USF3: variants seen among roughly 807,000 people sequenced by gnomAD.
The protein encoded by USF3 is basic helix-loop-helix domain-containing protein USF3.
Under a neutral mutation model 157.5 loss-of-function variants are expected in USF3, and 29 were observed. The observed-to-expected ratio is 0.18, with a 90% CI of 0.14 to 0.25. The LOEUF (loss-of-function observed/expected upper bound fraction) is 0.25, where lower values mean the gene tolerates loss of function less well. USF3 is among the 10% of genes least tolerant of loss of function. USF3 has a pLI of 1.00. For missense variants in USF3, 2,381 were observed against 2,667.6 expected, an observed-to-expected ratio of 0.89 and a Z score of 2.37; for synonymous variants, 893 against 941.4, an observed-to-expected ratio of 0.95 and a Z score of 0.94.
intron 4 of USF3, among the ~76,000 whole-genome samples, chr3:113,672,054 A>C (rs1559717358): frequency 6.6e-6 from 1 of 151,672 alleles, no homozygotes; most frequent in Non-Finnish European, 1.5e-5. Context: ...TACAGGCATG[A>C]GCCATCACGC....
At chr3:113,685,081 C>T (rs930579965) in intron 1 of USF3, among the ~76,000 whole-genome samples, 2 of 152,140 alleles carry the variant, frequency 1.3e-5, no homozygotes, top group Non-Finnish European at 2.9e-5. Context: ...GGGGGCACTC[C>T]CAAGTCCAGT....
At position 113,651,130 on chromosome 3, in the gene USF3, A is replaced by C. The variant is rs562466606; in HGVS notation, c.*3814T>G. On this transcript the variant is annotated 3_prime_UTR_variant, in exon 7 of 7. Transcript: ENST00000316407. ...TTACCCTTCATTAGAAGTTATTGTTAAATGTTGAAAGGAATCAACCACTTT... is the reference window on the plus strand; with the variant it reads ...TTACCCTTCATTAGAAGTTATTGTTCAATGTTGAAAGGAATCAACCACTTT... 3.3e-5 allele frequency: 5 copies of C among 152,354 alleles called. No homozygotes were observed. In the South Asian group the frequency reaches 6.2e-4, roughly 19 times the overall value. The allele number at this position is 152,354 out of a possible 1,614,324, so 9.4% of individuals were successfully genotyped here.
In USF3 at chr3:113,660,931, C is replaced by T. The variant is rs766766402; in HGVS notation, c.751G>A (p.Ala251Thr). The T allele has an allele frequency of 3.1e-6, 5 of 1,614,186 alleles. No individual in the cohort carries two copies. The highest frequency in any genetic ancestry group is 4.2e-6 in the Non-Finnish European group (5 of 1,180,028). Residue 251 changes from alanine (A) to threonine (T), a missense_variant, in exon 7 of 7, where the codon GCC becomes ACC. Ala to Thr is a moderately conservative substitution (Grantham distance 58). Around this residue, in one of 6 missense-constraint regions of USF3, gnomAD observed 1,435 missense variants for 1,550.9 expected, o/e 0.93. Transcript: ENST00000316407. The part of the protein sequence containing the change: ...TSESESNVLG[A>T]TSGSLIAVSI... The stretch of plus-strand genomic sequence containing the variant: ...ACAGCAATCAGTGAGCCACTAGTGG[C>T]ACCAAGCACATTTGATTCGCTTTCA...
At chr3:113,692,128 G>A (rs959889951) in intron 1 of USF3, among the ~76,000 whole-genome samples, 3 of 152,200 alleles carry the variant, frequency 2.0e-5, no homozygotes, top group African/African-American at 7.2e-5. Flanking sequence ...TAATGCTGCC[G>A]CTGATCTGAC....
Position 113,680,386 on chromosome 3 carries a change from T to C in USF3, c.-134-2989A>G, listed in dbSNP as rs142183391. On this transcript the variant is annotated intron_variant, in intron 1 of 6. Transcript: ENST00000316407. ...GGTTTTCCAATTTATTGGCATATAG[T>C]TGCTTATAGTAGTCTGTAATGATCC... 1.9e-3 allele frequency among the ~76,000 whole-genome samples: 292 copies of C among 152,324 alleles called. 2 individuals are homozygous for C. The highest frequency in any genetic ancestry group is 0.01 in the Middle Eastern group (3 of 292).
rs1577022791 is a variant in USF3 at position 113,652,995 on chromosome 3, G to A, written c.*1949C>T. The A allele has an allele frequency of 9.4e-7, 1 of 1,060,106 alleles. No homozygotes were observed. The highest frequency in any genetic ancestry group is 1.3e-6 in the Non-Finnish European group (1 of 764,026). The allele number at this position is 1,060,106 out of a possible 1,614,324, so 65.7% of individuals were successfully genotyped here. ...AGGAACTTGAAAAAGGAATATTCAA[G>A]GTGCTGTTCCTGGTGTTAGTTGCAC... is the stretch of plus-strand genomic sequence containing the variant. On this transcript the variant is annotated 3_prime_UTR_variant, in exon 7 of 7. Transcript: ENST00000316407.
chr3:113,695,501 G>A (rs1340265168), intron 1 of USF3, among the ~76,000 whole-genome samples: 1 of 152,220 alleles, frequency 6.6e-6, no homozygotes, highest in Non-Finnish European at 1.5e-5. Flanking sequence ...TATAGGTAAG[G>A]AAATGTCTTC....
At chr3:113,685,907 A>G (rs1224828760) in intron 1 of USF3, among the ~76,000 whole-genome samples, 1 of 152,212 alleles carries the variant, frequency 6.6e-6, no homozygotes, top group African/African-American at 2.4e-5. Context: ...CAAGAAAAAA[A>G]TCCTCTTTAC....
chr3:113,662,168 A>AGC (rs1947496949), intron 6 of USF3, among the ~76,000 whole-genome samples: 1 of 152,204 alleles, frequency 6.6e-6, no homozygotes, highest in African/African-American at 2.4e-5. Context: ...TTATAAATCA[A>AGC]TTTAGTTTCT....
At chr3:113,681,980 A>G (rs1206244379) in intron 1 of USF3, among the ~76,000 whole-genome samples, 2 of 152,016 alleles carry the variant, frequency 1.3e-5, no homozygotes, top group Admixed American at 6.6e-5. Flanking sequence ...CGGCCTCCCA[A>G]AGTCCTCGGA....
chr3:113,656,702 T>C lies in USF3; in HGVS notation c.4980A>G (p.Pro1660=). ...AATAACTTGAAACTCTATTTCTCTC[T>C]GGCCTGTGTGGAGTACAGGTCATGT... ...SSDMTCTPHR[P]ERNRVSSYSA... is the part of the protein sequence containing the mutation. The change falls in exon 7 of 7, where the codon CCA becomes CCG. Residue 1660 remains proline (P), a synonymous_variant. Coordinates refer to ENST00000316407, the MANE Select transcript of USF3 (RefSeq NM_001009899.4). The C allele has an allele frequency of 6.2e-7, 1 of 1,614,186 alleles. No individual in the cohort carries two copies. The highest frequency in any genetic ancestry group is 8.5e-7 in the Non-Finnish European group (1 of 1,180,040).
Position 113,659,478 on chromosome 3 carries a change from G to A in USF3, c.2204C>T (p.Ala735Val), listed in dbSNP as rs1469917833. 2 of 1,614,086 alleles carry A rather than the reference G, an allele frequency of 1.2e-6. No homozygotes were observed. The highest frequency in any genetic ancestry group is 1.7e-6 in the Non-Finnish European group (2 of 1,180,034). Residue 735 changes from alanine to valine, a missense_variant, in exon 7 of 7, where the codon GCC (alanine) becomes GTC (valine). Physicochemically the swap from Ala to Val is moderately conservative, Grantham distance 64 (BLOSUM62 0). This residue lies in a region of USF3 where 1,435 missense variants were observed against 1,550.9 expected (regional missense o/e 0.93). Transcript: ENST00000316407. Reference sequence around the variant, plus strand: ...ACTATTTGCAGCAGTTTGAGAATTGGCAGGCTGGCTAATAGACAATTGTAC... The same window carrying A: ...ACTATTTGCAGCAGTTTGAGAATTGACAGGCTGGCTAATAGACAATTGTAC... The part of the protein sequence containing the change: ...SCVQLSISQP[A>V]NSQTAANSQT...
intron 1 of USF3, among the ~76,000 whole-genome samples, chr3:113,689,874 T>C (rs1319539356): frequency 6.6e-6 from 1 of 152,238 alleles, no homozygotes. Flanking sequence ...ATCCTCTTTC[T>C]CTAACATGAA....
At chr3:113,671,703 T>C (rs1707155596) in intron 4 of USF3, among the ~76,000 whole-genome samples, 1 of 152,020 alleles carries the variant, frequency 6.6e-6, no homozygotes, top group Admixed American at 6.6e-5. Flanking sequence ...ATTTTTTGCT[T>C]TATGATCTAG....
At position 113,653,089 on chromosome 3, in the gene USF3, G is replaced by T; in HGVS notation, c.*1855C>A. 4.3e-6 allele frequency: 1 copy of T among 235,066 alleles called. No individual in the cohort carries two copies. Among genetic ancestry groups the T allele is most frequent in the Non-Finnish European group, 8.0e-6 (1 of 124,256 alleles). The allele number at this position is 235,066 out of a possible 1,614,324, so 14.6% of individuals were successfully genotyped here. ...GAAAAGAAGAAAGAAAAGAAAAGCT[G>T]GTCCTTGAGTTCACTTTGTTAACAA... On this transcript the variant is annotated 3_prime_UTR_variant, in exon 7 of 7. Transcript: ENST00000316407.
intron 1 of USF3, among the ~76,000 whole-genome samples, chr3:113,689,283 A>C (rs973956837): frequency 7.2e-5 from 11 of 152,214 alleles, no homozygotes; most frequent in African/African-American, 2.2e-4. Context: ...TTACAAGTTT[A>C]CATGATGATA....
At chr3:113,667,902 A>G (rs910412590) in intron 5 of USF3, among the ~76,000 whole-genome samples, 50 of 152,192 alleles carry the variant, frequency 3.3e-4, no homozygotes, top group African/African-American at 1.2e-3. Flanking sequence ...ACAAACAGAA[A>G]CATATATGGA....
At chr3:113,696,233 T>C (rs780949976) in intron 1 of USF3, 137 bp downstream of exon 1, 22 of 152,664 alleles carry the variant, frequency 1.4e-4, no homozygotes, top group Middle Eastern at 3.4e-3. Flanking sequence ...GAGGCGCACT[T>C]AGCGCAGCCC....
rs1382392378 is a variant in USF3 at position 113,681,176 on chromosome 3, A to G, written c.-134-3779T>C. Among the ~76,000 whole-genome samples, 6 of 152,066 alleles carry G rather than the reference A, an allele frequency of 3.9e-5. No homozygotes were observed. In the East Asian group the frequency reaches 1.2e-3, roughly 30 times the overall value. On this transcript the variant is annotated intron_variant, in intron 1 of 6. Transcript: ENST00000316407. ...TAGTTTTTAGTAGAGATGGGGTTTC[A>G]CCATGTTGGCCAGGCTGGTCTTGAA...
Sources: gnomAD v4.1 joint callset for allele counts (sites outside exome capture counted in the v4.1 genomes callset) on GRCh38, gnomAD v4.1.1 for gene constraint, gnomAD v4.1.1 regional missense constraint, MANE v1.5 for transcripts, NCBI Gene and HGNC (gene_info 2026-07-23, HGNC 2026-07-21) for gene names.